PHLDB2: variants seen among roughly 807,000 people sequenced by gnomAD.
PHLDB2 encodes the protein pleckstrin homology-like domain family B member 2.
PHLDB2 carries 71 observed loss-of-function variants against 123.6 expected under a neutral mutation model. That is an observed-to-expected ratio of 0.57 (90% CI 0.47 to 0.70). PHLDB2 has a LOEUF of 0.70. PHLDB2 is among the 30% of genes least tolerant of loss of function. The pLI is 0.00. For missense variants in PHLDB2, 1,446 were observed against 1,519.5 expected, an observed-to-expected ratio of 0.95 and a Z score of 0.80; for synonymous variants, 547 against 541.6, an observed-to-expected ratio of 1.01 and a Z score of -0.14.
At chr3:111,793,826 G>T (rs1431119603) in intron 1 of PHLDB2, among the ~76,000 whole-genome samples, 1 of 151,674 alleles carries the variant, frequency 6.6e-6, no homozygotes, top group Non-Finnish European at 1.5e-5. Context: ...CTAGAACCTG[G>T]AATGGGGGCC....
intron 6 of PHLDB2, among the ~76,000 whole-genome samples, chr3:111,934,430 A>G (rs1169993159): frequency 6.6e-6 from 1 of 152,204 alleles, no homozygotes; most frequent in Non-Finnish European, 1.5e-5. Flanking sequence ...TTTAAACTAG[A>G]TTTAATAAAG....
intron 1 of PHLDB2, among the ~76,000 whole-genome samples, chr3:111,874,936 A>G (rs1174390423): frequency 1.3e-5 from 2 of 152,334 alleles, no homozygotes; most frequent in East Asian, 3.9e-4. Context: ...GAATATTAAT[A>G]TTATCTAAGC....
intron 1 of PHLDB2, among the ~76,000 whole-genome samples, chr3:111,772,460 A>G (rs2108052669): frequency 6.6e-6 from 1 of 152,308 alleles, no homozygotes; most frequent in East Asian, 1.9e-4. Flanking sequence ...AACCATATAA[A>G]TGACTAAGGC....
At chr3:111,907,914 A>C (rs2067648699) in intron 2 of PHLDB2, among the ~76,000 whole-genome samples, 1 of 152,150 alleles carries the variant, frequency 6.6e-6, no homozygotes, top group South Asian at 2.1e-4. Flanking sequence ...CTCCAGCCTT[A>C]GCCTTCCAAG....
chr3:111,852,051 T>G (rs1386644645), intron 2 of PHLDB2, among the ~76,000 whole-genome samples: 1 of 152,096 alleles, frequency 6.6e-6, no homozygotes, highest in Non-Finnish European at 1.5e-5. Flanking sequence ...TGTATCATTG[T>G]TTTTTAGTAT....
upstream of PHLDB2, among the ~76,000 whole-genome samples, chr3:111,857,471 A>AAAAGG (rs1230900188): frequency 1.4e-4 from 12 of 88,462 alleles, no homozygotes; most frequent in Non-Finnish European, 3.3e-4. Context: ...AAAAGAAAAG[A>AAAAGG]AAAGAAAAAA....
intron 5 of PHLDB2, among the ~76,000 whole-genome samples, chr3:111,925,865 A>G (rs1459309320): frequency 6.6e-6 from 1 of 152,170 alleles, no homozygotes; most frequent in Non-Finnish European, 1.5e-5. Flanking sequence ...ATATTTTTCA[A>G]TTTCTTCTAT....
chr3:111,920,843 T>C (rs747846847), intron 5 of PHLDB2, among the ~76,000 whole-genome samples: 4 of 152,258 alleles, frequency 2.6e-5, no homozygotes, highest in African/African-American at 4.8e-5. Context: ...TTTATTTCTT[T>C]TCATTTTTCT....
chr3:111,862,934 C>T (rs761069237), intron 1 of PHLDB2, among the ~76,000 whole-genome samples: 1 of 152,220 alleles, frequency 6.6e-6, no homozygotes, highest in East Asian at 1.9e-4. Flanking sequence ...GAGCTAAGGG[C>T]GGGCAGACAA....
At chr3:111,756,554 G>C (rs182222615) in intron 1 of PHLDB2, among the ~76,000 whole-genome samples, 10 of 152,304 alleles carry the variant, frequency 6.6e-5, no homozygotes, top group Middle Eastern at 3.4e-3. Flanking sequence ...CTGCACGTGA[G>C]ATGGATTTAC....
chr3:111,937,373 A>C (rs1163055242), intron 6 of PHLDB2, among the ~76,000 whole-genome samples: 1 of 152,230 alleles, frequency 6.6e-6, no homozygotes, highest in African/African-American at 2.4e-5. Context: ...ATTTGATTGA[A>C]GAACAACCAA....
chr3:111,736,867 GA>G, intron 1 of PHLDB2, among the ~76,000 whole-genome samples: 1 of 152,290 alleles, frequency 6.6e-6, no homozygotes, highest in Non-Finnish European at 1.5e-5. Flanking sequence ...AGCAAAATAA[GA>G]TATCAAAGGG....
At chr3:111,908,738 A>G (rs996389313) in intron 2 of PHLDB2, among the ~76,000 whole-genome samples, 1 of 152,246 alleles carries the variant, frequency 6.6e-6, no homozygotes, top group East Asian at 1.9e-4. Context: ...ACTACCCTCA[A>G]GGATTTATCT....
chr3:111,967,567 A>G (rs1212752545), intron 14 of PHLDB2, 111 bp from the exon 15 acceptor site: 1 of 1,136,190 alleles, frequency 8.8e-7, no homozygotes, highest in African/African-American at 1.6e-5. Flanking sequence ...ATAAGAGACT[A>G]GTCTACAAAC....
chr3:111,816,779 G>A (rs961472340), intron 1 of PHLDB2, among the ~76,000 whole-genome samples: 2 of 152,120 alleles, frequency 1.3e-5, no homozygotes, highest in African/African-American at 2.4e-5. Flanking sequence ...AGATTTGAGA[G>A]GGGCCAACAG....
chr3:111,895,930 CTATTGA>C (rs925942033), intron 2 of PHLDB2, among the ~76,000 whole-genome samples: 3 of 151,598 alleles, frequency 2.0e-5, no homozygotes, highest in Admixed American at 2.0e-4. Context: ...TGAAGGAGGA[CTATTGA>C]TTGTTTCTGG....
intron 1 of PHLDB2, among the ~76,000 whole-genome samples, chr3:111,769,956 A>G (rs114168867): frequency 0.011 from 1,628 of 152,366 alleles, 27 homozygotes; most frequent in African/African-American, 0.036. Flanking sequence ...ATTAACCCAT[A>G]GAATCCATTG....
At chr3:111,828,804 C>G (rs2062793182) in intron 1 of PHLDB2, among the ~76,000 whole-genome samples, 2 of 152,096 alleles carry the variant, frequency 1.3e-5, no homozygotes, top group Non-Finnish European at 2.9e-5. Context: ...AACAAACAAA[C>G]AAACAAACAA....
At chr3:111,914,797 A>G (rs1016369010) in intron 3 of PHLDB2, 2 of 151,986 alleles carry the variant, frequency 1.3e-5, no homozygotes, top group Non-Finnish European at 2.9e-5. Context: ...TTCTGGTTGT[A>G]TGTTGGTTTA....
Sources: allele counts gnomAD v4.1 joint callset (sites outside exome capture counted in the v4.1 genomes callset), GRCh38; gene constraint gnomAD v4.1.1; transcripts MANE v1.5; gene names NCBI Gene and HGNC (gene_info 2026-07-23, HGNC 2026-07-21).